AAK1: variants seen among roughly 807,000 people sequenced by gnomAD.
The protein encoded by AAK1 is AP2 associated kinase 1, also known as AP2-associated protein kinase 1.
A neutral mutation model predicts 116.0 loss-of-function variants in AAK1; 37 were observed. That is an observed-to-expected ratio of 0.32 (90% CI 0.25 to 0.42). The LOEUF (loss-of-function observed/expected upper bound fraction) is 0.42, where lower values mean the gene tolerates loss of function less well. Ranked by LOEUF, AAK1 falls within the 10% of genes least tolerant of loss-of-function variation. The pLI is 1.00. For missense variants in AAK1, 919 were observed against 1,170.6 expected, an observed-to-expected ratio of 0.79 and a Z score of 3.14; for synonymous variants, 458 against 439.9, an observed-to-expected ratio of 1.04 and a Z score of -0.51.
At chr2:69,638,896 G>A (rs1675571032) in intron 2 of AAK1, among the ~76,000 whole-genome samples, 1 of 152,202 alleles carries the variant, frequency 6.6e-6, no homozygotes. Flanking sequence ...TTAAGAGTCA[G>A]GCCTGTGTCC....
At chr2:69,608,528 A>G (rs904744008) in intron 2 of AAK1, among the ~76,000 whole-genome samples, 2 of 152,252 alleles carry the variant, frequency 1.3e-5, no homozygotes, top group Admixed American at 6.5e-5. Flanking sequence ...GTGGTTTTTA[A>G]AAAGGGATTT....
In AAK1 at chr2:69,469,530, C is replaced by T. The variant is rs1674605078; in HGVS notation, c.*6339G>A. 14 of 985,404 alleles carry T rather than the reference C, an allele frequency of 1.4e-5. No individual in the cohort carries two copies. Among genetic ancestry groups the T allele is most frequent in the Non-Finnish European group, 1.7e-5 (14 of 829,918 alleles). 61.0% of individuals were successfully genotyped at this position (985,404 alleles called of 1,614,324 possible). ...CTTTACTAGCATTGAAGGATTTATA[C>T]TAACCTAACCACATGCCTTGACCCA... On this transcript the variant is annotated 3_prime_UTR_variant, in exon 22 of 22. Transcript: ENST00000409085.
At chr2:69,604,832 C>T (rs1379498788) in intron 2 of AAK1, among the ~76,000 whole-genome samples, 1 of 152,150 alleles carries the variant, frequency 6.6e-6, no homozygotes, top group Non-Finnish European at 1.5e-5. Context: ...ATACCTCACA[C>T]TAAACATACC....
At chr2:69,563,072 AAAAT>A (rs1463654040) in intron 2 of AAK1, among the ~76,000 whole-genome samples, 1 of 152,196 alleles carries the variant, frequency 6.6e-6, no homozygotes, top group Non-Finnish European at 1.5e-5. Flanking sequence ...TGTCTGTAGA[AAAAT>A]AAATAAAGAC....
Position 69,474,270 on chromosome 2 carries a change from T to C in AAK1, c.*1599A>G. 1.0e-6 allele frequency: 1 copy of C among 985,832 alleles called. No individual in the cohort carries two copies. The highest frequency in any genetic ancestry group is 1.2e-6 in the Non-Finnish European group (1 of 829,906). 61.1% of individuals were successfully genotyped at this position (985,832 alleles called of 1,614,324 possible). A position where few individuals can be genotyped will look rare whatever the true frequency, so the allele number is the denominator to read the frequency against. ...CAAGCAAATGGACTTGGAATTTTATTTGTACAGATCTGATTAACTAAGAGT... is the reference window on the plus strand; with the variant it reads ...CAAGCAAATGGACTTGGAATTTTATCTGTACAGATCTGATTAACTAAGAGT... On this transcript the variant is annotated 3_prime_UTR_variant, in exon 22 of 22. Coordinates refer to ENST00000409085, the MANE Select transcript of AAK1 (RefSeq NM_014911.5).
intron 2 of AAK1, among the ~76,000 whole-genome samples, chr2:69,620,140 G>A (rs1674530624): frequency 6.6e-6 from 1 of 152,206 alleles, no homozygotes; most frequent in African/African-American, 2.4e-5. Context: ...CAGAGAGACA[G>A]CAACGAAGGC....
intron 2 of AAK1, among the ~76,000 whole-genome samples, chr2:69,584,469 C>T (rs1558980176): frequency 6.6e-6 from 1 of 152,168 alleles, no homozygotes; most frequent in Non-Finnish European, 1.5e-5. Flanking sequence ...TTGCTTTCAG[C>T]TTCAGTTTTG....
chr2:69,522,168 G>A lies in AAK1; in HGVS notation c.1056-1180C>T, dbSNP rs145479392. Among the ~76,000 whole-genome samples, 298 of 152,310 alleles carry A rather than the reference G, an allele frequency of 2.0e-3. 2 individuals carry two copies. The highest frequency in any genetic ancestry group is 0.012 in the South Asian group (56 of 4,820). On this transcript the variant is annotated intron_variant, in intron 10 of 21. Transcript: ENST00000409085. The stretch of plus-strand genomic sequence containing the variant: ...TACCTAACTCAGATCAGAGTTGGCC[G>A]TCCTTTGAAACTCCACTTTACAGAG...
chr2:69,476,192 G>A (rs1233564825), intron 21 of AAK1, among the ~76,000 whole-genome samples: 2 of 152,132 alleles, frequency 1.3e-5, no homozygotes, highest in African/African-American at 4.8e-5. Context: ...CAGGCACTCT[G>A]TGCACACCAC....
chr2:69,506,449 G>A (rs1280468360), intron 15 of AAK1, among the ~76,000 whole-genome samples: 1 of 152,072 alleles, frequency 6.6e-6, no homozygotes, highest in Non-Finnish European at 1.5e-5. Context: ...CTGCAGCCTC[G>A]ACCTCTTGGG....
Position 69,470,839 on chromosome 2 carries a change from T to G in AAK1, c.*5030A>C. ...ATTGTCACTCAATACTGTGATTAAATCCTTTCTGCAAAAAAGTGGGTTTTC... is the reference window on the plus strand; with the variant it reads ...ATTGTCACTCAATACTGTGATTAAAGCCTTTCTGCAAAAAAGTGGGTTTTC... On this transcript the variant is annotated 3_prime_UTR_variant, in exon 22 of 22. Coordinates refer to ENST00000409085, the MANE Select transcript of AAK1 (RefSeq NM_014911.5). The G allele has an allele frequency of 1.0e-6, 1 of 985,844 alleles. No homozygotes were observed. Among genetic ancestry groups the G allele is most frequent in the Non-Finnish European group, 1.2e-6 (1 of 829,926 alleles). 61.1% of individuals were successfully genotyped at this position (985,844 alleles called of 1,614,324 possible).
intron 2 of AAK1, among the ~76,000 whole-genome samples, chr2:69,585,661 A>G (rs1361465746): frequency 6.6e-6 from 1 of 152,220 alleles, no homozygotes. Context: ...GAAAAATACC[A>G]GAAACCAAAT....
chr2:69,557,308 T>G (rs1671426715), intron 2 of AAK1, among the ~76,000 whole-genome samples: 1 of 151,830 alleles, frequency 6.6e-6, no homozygotes, highest in African/African-American at 2.4e-5. Context: ...GTACTTTTTT[T>G]TTTTTTTTTT....
chr2:69,487,118 T>C (rs1675327385), intron 17 of AAK1, among the ~76,000 whole-genome samples: 1 of 152,220 alleles, frequency 6.6e-6, no homozygotes, highest in South Asian at 2.1e-4. Context: ...ACTAAAGTTT[T>C]GATTGCTTTA....
chr2:69,558,123 G>A (rs1424639187), intron 2 of AAK1, among the ~76,000 whole-genome samples: 2 of 152,002 alleles, frequency 1.3e-5, no homozygotes, highest in Admixed American at 6.6e-5. Flanking sequence ...CAGGCAGATC[G>A]CTTGAGCTCA....
intron 2 of AAK1, among the ~76,000 whole-genome samples, chr2:69,587,079 T>TA (rs1302359861): frequency 1.7e-4 from 25 of 150,874 alleles, no homozygotes; most frequent in African/African-American, 3.7e-4. Context: ...TTCTTTTCTT[T>TA]AAAAAAAAAC....
chr2:69,586,465 T>C (rs1193178211), intron 2 of AAK1, among the ~76,000 whole-genome samples: 4 of 152,106 alleles, frequency 2.6e-5, no homozygotes, highest in Admixed American at 6.5e-5. Flanking sequence ...TCAAAAGGCT[T>C]AAAAACACAA....
intron 17 of AAK1, among the ~76,000 whole-genome samples, chr2:69,483,684 G>C (rs142358754): frequency 5.5e-4 from 84 of 152,112 alleles, no homozygotes; most frequent in Admixed American, 2.0e-3. Flanking sequence ...TGACTTCAAC[G>C]ATCATTTATT....
chr2:69,515,706 G>T (rs149251026), intron 12 of AAK1, among the ~76,000 whole-genome samples: 1 of 152,204 alleles, frequency 6.6e-6, no homozygotes, highest in African/African-American at 2.4e-5. Context: ...CAAAATAAGG[G>T]CCTGCTGATG....
Sources: allele counts gnomAD v4.1 joint callset (sites outside exome capture counted in the v4.1 genomes callset), GRCh38; gene constraint gnomAD v4.1.1; transcripts MANE v1.5; gene names NCBI Gene and HGNC (gene_info 2026-07-23, HGNC 2026-07-21).